Variants in PDZRN3 observed in about 807,000 individuals in gnomAD.
PDZRN3 encodes E3 ubiquitin-protein ligase PDZRN3.
A neutral mutation model predicts 85.7 loss-of-function variants in PDZRN3; 38 were observed. The ratio of observed to expected loss-of-function variants is 0.44; its 90% CI spans 0.34 to 0.58. The LOEUF is 0.58. PDZRN3 is among the 20% of genes least tolerant of loss of function. PDZRN3 has a pLI of 0.01. For synonymous variants in PDZRN3, 759 were observed against 638.0 expected (o/e 1.19, Z -2.86); for missense variants, 1,629 against 1,506.4 (o/e 1.08, Z -1.35).
At chr3:73,596,583 C>T (rs1702433470) in intron 3 of PDZRN3, among the ~76,000 whole-genome samples, 1 of 152,198 alleles carries the variant, frequency 6.6e-6, no homozygotes, top group Admixed American at 6.5e-5. Flanking sequence ...CTGAGAAGGA[C>T]ATGCTATCAC....
intron 3 of PDZRN3, among the ~76,000 whole-genome samples, chr3:73,553,398 A>AC (rs1458616011): frequency 2.0e-5 from 3 of 152,154 alleles, no homozygotes; most frequent in Non-Finnish European, 2.9e-5. Flanking sequence ...ACATGGTGAA[A>AC]CCCCATCTCT....
chr3:73,562,747 T>C (rs558458975), intron 3 of PDZRN3, among the ~76,000 whole-genome samples: 54 of 151,892 alleles, frequency 3.6e-4, no homozygotes, highest in Non-Finnish European at 6.9e-4. Flanking sequence ...TTTAAGGCTT[T>C]TGTACTTCAT....
chr3:73,448,981 AC>A (rs1461185041), intron 3 of PDZRN3, among the ~76,000 whole-genome samples: 7 of 152,224 alleles, frequency 4.6e-5, no homozygotes, highest in African/African-American at 1.7e-4. Flanking sequence ...GGTTGGAGTC[AC>A]AAGACTGATT....
chr3:73,508,596 TAAGA>T, intron 3 of PDZRN3, among the ~76,000 whole-genome samples: 1 of 152,254 alleles, frequency 6.6e-6, no homozygotes, highest in Non-Finnish European at 1.5e-5. Flanking sequence ...TTTCTATCCT[TAAGA>T]AAGATAAGCC....
intron 1 of PDZRN3, among the ~76,000 whole-genome samples, chr3:73,615,571 C>G (rs1417814925): frequency 6.6e-6 from 1 of 152,148 alleles, no homozygotes; most frequent in Non-Finnish European, 1.5e-5. Flanking sequence ...AAACCCTCAC[C>G]CTTTCTACTA....
chr3:73,586,657 G>C (rs1427553951), intron 3 of PDZRN3, among the ~76,000 whole-genome samples: 1 of 152,154 alleles, frequency 6.6e-6, no homozygotes, highest in Non-Finnish European at 1.5e-5. Flanking sequence ...GACCTATTTA[G>C]GTGTAACTTA....
chr3:73,385,131 T>G (rs1459097149), intron 9 of PDZRN3, among the ~76,000 whole-genome samples: 1 of 152,232 alleles, frequency 6.6e-6, no homozygotes, highest in African/African-American at 2.4e-5. Context: ...TCACTTATTC[T>G]TGTTCTTGTC....
intron 3 of PDZRN3, among the ~76,000 whole-genome samples, chr3:73,432,376 AG>A (rs1702449705): frequency 6.6e-6 from 1 of 152,252 alleles, no homozygotes; most frequent in East Asian, 1.9e-4. Context: ...GTGAAGTCAC[AG>A]GTCGGAAATG....
At chr3:73,538,631 T>C (rs1257264526) in intron 3 of PDZRN3, among the ~76,000 whole-genome samples, 1 of 152,230 alleles carries the variant, frequency 6.6e-6, no homozygotes, top group Non-Finnish European at 1.5e-5. Context: ...AGTTTCCTGG[T>C]TTTTCCTTAT....
At chr3:73,409,846 ACTCT>A (rs1460510436) in intron 3 of PDZRN3, among the ~76,000 whole-genome samples, 2 of 152,136 alleles carry the variant, frequency 1.3e-5, no homozygotes, top group Non-Finnish European at 2.9e-5. Flanking sequence ...GGCATACTAT[ACTCT>A]CTCCAAATTA....
intron 1 of PDZRN3, among the ~76,000 whole-genome samples, chr3:73,620,727 C>T (rs1392823915): frequency 1.3e-5 from 2 of 152,128 alleles, no homozygotes; most frequent in Non-Finnish European, 2.9e-5. Context: ...CAGGTGCCCG[C>T]CACCGCGCCC....
chr3:73,504,388 C>T (rs1330417034), intron 3 of PDZRN3, among the ~76,000 whole-genome samples: 2 of 152,208 alleles, frequency 1.3e-5, no homozygotes, highest in Non-Finnish European at 2.9e-5. Context: ...GGAGAACCAC[C>T]TGTGCAAATA....
At chr3:73,591,214 G>A (rs1702352304) in intron 3 of PDZRN3, among the ~76,000 whole-genome samples, 1 of 152,152 alleles carries the variant, frequency 6.6e-6, no homozygotes, top group Non-Finnish European at 1.5e-5. Flanking sequence ...CTAATTTTAA[G>A]AAAATCCCAA....
intron 3 of PDZRN3, among the ~76,000 whole-genome samples, chr3:73,482,457 T>C (rs1703583124): frequency 6.6e-6 from 1 of 152,204 alleles, no homozygotes; most frequent in South Asian, 2.1e-4. Context: ...TACGCGTTTA[T>C]AGTGACTGTC....
At chr3:73,520,921 G>A (rs1368224876) in intron 3 of PDZRN3, among the ~76,000 whole-genome samples, 1 of 152,174 alleles carries the variant, frequency 6.6e-6, no homozygotes, top group Non-Finnish European at 1.5e-5. Flanking sequence ...TGTAAACACT[G>A]GAAAATCAGT....
At chr3:73,473,449 T>C (rs184969649) in intron 3 of PDZRN3, among the ~76,000 whole-genome samples, 1 of 151,846 alleles carries the variant, frequency 6.6e-6, no homozygotes, top group East Asian at 1.9e-4. Flanking sequence ...AATGGGAAGA[T>C]TGTTGGTGGC....
intron 3 of PDZRN3, among the ~76,000 whole-genome samples, chr3:73,504,047 C>G (rs1199883776): frequency 1.3e-5 from 2 of 152,146 alleles, no homozygotes; most frequent in African/African-American, 4.8e-5. Context: ...GCTAGACATT[C>G]ACTTATTCAT....
chr3:73,424,692 G>A (rs1226909544), intron 3 of PDZRN3, among the ~76,000 whole-genome samples: 1 of 151,920 alleles, frequency 6.6e-6, no homozygotes, highest in Non-Finnish European at 1.5e-5. Context: ...ACAGAGAAGA[G>A]GAAAAATCCA....
At chr3:73,475,453 T>C (rs374835406) in intron 3 of PDZRN3, among the ~76,000 whole-genome samples, 7 of 151,952 alleles carry the variant, frequency 4.6e-5, no homozygotes, top group Non-Finnish European at 8.8e-5. Context: ...ATTCACAGGG[T>C]TCCCCCCCCA....
Sources: gnomAD v4.1 joint callset for allele counts (sites outside exome capture counted in the v4.1 genomes callset) on GRCh38, gnomAD v4.1.1 for gene constraint, MANE v1.5 for transcripts, NCBI Gene and HGNC (gene_info 2026-07-23, HGNC 2026-07-21) for gene names.